NUBPL: variants seen among roughly 807,000 people sequenced by gnomAD.
NUBPL encodes the protein NUBP iron-sulfur cluster assembly factor, mitochondrial.
NUBPL carries 31 observed loss-of-function variants against 45.7 expected under a neutral mutation model. The observed-to-expected ratio is 0.68, with a 90% CI of 0.51 to 0.92. The LOEUF (loss-of-function observed/expected upper bound fraction) is 0.92. NUBPL is among the 40% of genes least tolerant of loss of function. NUBPL has a pLI of 0.00. For synonymous variants in NUBPL, 144 were observed against 140.9 expected (o/e 1.02, Z -0.15); for missense variants, 401 against 398.7 (o/e 1.01, Z -0.05).
chr14:31,743,922 G>T (rs561042926), intron 6 of NUBPL, among the ~76,000 whole-genome samples: 1 of 152,268 alleles, frequency 6.6e-6, no homozygotes, highest in East Asian at 1.9e-4. Flanking sequence ...CTCTTCAAGT[G>T]GCTCTTGCTA....
intron 3 of NUBPL, among the ~76,000 whole-genome samples, chr14:31,574,591 T>C (rs1230143774): frequency 1.5e-5 from 2 of 137,476 alleles, no homozygotes; most frequent in African/African-American, 5.5e-5. Context: ...TCTTTTTTTT[T>C]TTTTTTTTTT....
chr14:31,599,835 T>G (rs1188014141), intron 4 of NUBPL, among the ~76,000 whole-genome samples: 1 of 152,062 alleles, frequency 6.6e-6, no homozygotes, highest in Non-Finnish European at 1.5e-5. Flanking sequence ...AATTCAAGAG[T>G]AACCAATATG....
At chr14:31,852,862 A>G (rs978036995) in intron 10 of NUBPL, among the ~76,000 whole-genome samples, 1 of 152,008 alleles carries the variant, frequency 6.6e-6, no homozygotes, top group Non-Finnish European at 1.5e-5. Context: ...CGTGAACTCA[A>G]ATAGAAATGT....
chr14:31,628,562 T>A (rs2035265755), intron 4 of NUBPL, among the ~76,000 whole-genome samples: 1 of 152,212 alleles, frequency 6.6e-6, no homozygotes, highest in South Asian at 2.1e-4. Flanking sequence ...TATTTCCAAC[T>A]GTGTTCTTTG....
intron 4 of NUBPL, among the ~76,000 whole-genome samples, chr14:31,601,186 G>A (rs368114033): frequency 3.2e-4 from 49 of 151,784 alleles, no homozygotes; most frequent in African/African-American, 9.4e-4. Context: ...GTCAGGTAGC[G>A]TGATGCCTCC....
intron 3 of NUBPL, among the ~76,000 whole-genome samples, chr14:31,577,278 C>T (rs989265452): frequency 6.6e-5 from 10 of 152,218 alleles, no homozygotes; most frequent in African/African-American, 2.4e-4. Context: ...TATCATCTTT[C>T]ACTTGAGAGT....
chr14:31,696,630 G>A (rs905180957), intron 6 of NUBPL, among the ~76,000 whole-genome samples: 1 of 152,126 alleles, frequency 6.6e-6, no homozygotes, highest in Non-Finnish European at 1.5e-5. Context: ...CTCAGGCTCT[G>A]AAAATGATTG....
At chr14:31,588,652 C>T (rs958772605) in intron 3 of NUBPL, among the ~76,000 whole-genome samples, 4 of 151,766 alleles carry the variant, frequency 2.6e-5, no homozygotes, top group African/African-American at 7.3e-5. Context: ...CGCGGTGGCT[C>T]ATGCCTGTAA....
intron 4 of NUBPL, among the ~76,000 whole-genome samples, chr14:31,615,918 G>A (rs1226416240): frequency 6.6e-6 from 1 of 152,164 alleles, no homozygotes; most frequent in Non-Finnish European, 1.5e-5. Flanking sequence ...TAGCAACAGT[G>A]TAAAAGCGTT....
At chr14:31,616,751 A>G (rs939571361) in intron 4 of NUBPL, among the ~76,000 whole-genome samples, 2 of 151,980 alleles carry the variant, frequency 1.3e-5, no homozygotes, top group African/African-American at 2.4e-5. Context: ...TCTTGTCTAT[A>G]TGGGCTCTTT....
At chr14:31,766,558 A>G (rs1470020623) in intron 6 of NUBPL, among the ~76,000 whole-genome samples, 1 of 152,220 alleles carries the variant, frequency 6.6e-6, no homozygotes, top group African/African-American at 2.4e-5. Context: ...AGAAACAAGT[A>G]GCCCCATTAT....
At chr14:31,573,171 G>C (rs1056224065) in intron 3 of NUBPL, among the ~76,000 whole-genome samples, 1 of 152,138 alleles carries the variant, frequency 6.6e-6, no homozygotes, top group Non-Finnish European at 1.5e-5. Flanking sequence ...TGTTATGATG[G>C]CTGTGCTGTC....
At chr14:31,793,872 C>T (rs1346056672) in intron 7 of NUBPL, among the ~76,000 whole-genome samples, 2 of 75,454 alleles carry the variant, frequency 2.7e-5, no homozygotes, top group East Asian at 9.0e-4. Context: ...CAATGCTATC[C>T]CTCCCCCCTC....
intron 6 of NUBPL, among the ~76,000 whole-genome samples, chr14:31,772,288 A>G (rs187670871): frequency 6.6e-6 from 1 of 152,354 alleles, no homozygotes; most frequent in East Asian, 1.9e-4. Context: ...AGATTTTGAT[A>G]AAATTTATTT....
intron 6 of NUBPL, among the ~76,000 whole-genome samples, chr14:31,712,113 T>C (rs1423569773): frequency 2.6e-5 from 4 of 152,196 alleles, no homozygotes; most frequent in Admixed American, 2.6e-4. Context: ...GGTGGCCTGC[T>C]TTTATTCCCT....
chr14:31,690,468 G>A (rs890340416), intron 6 of NUBPL, among the ~76,000 whole-genome samples: 1 of 152,074 alleles, frequency 6.6e-6, no homozygotes, highest in African/African-American at 2.4e-5. Flanking sequence ...GTGCTGAACT[G>A]GTCTTCTTGC....
At chr14:31,642,420 C>A (rs185842024) in intron 4 of NUBPL, among the ~76,000 whole-genome samples, 5 of 151,980 alleles carry the variant, frequency 3.3e-5, no homozygotes, top group African/African-American at 1.2e-4. Flanking sequence ...GTTTTCTGAG[C>A]GCTGTTTATT....
At chr14:31,834,778 G>A (rs1041460651) in intron 8 of NUBPL, among the ~76,000 whole-genome samples, 2 of 152,156 alleles carry the variant, frequency 1.3e-5, no homozygotes, top group African/African-American at 4.8e-5. Context: ...ATGAGGAAAT[G>A]TGGTTGAGAG....
chr14:31,664,910 A>T (rs2036367911), intron 4 of NUBPL, among the ~76,000 whole-genome samples: 1 of 152,154 alleles, frequency 6.6e-6, no homozygotes, highest in African/African-American at 2.4e-5. Flanking sequence ...CCTTAATTTC[A>T]GAACTTGTTA....
Sources: gnomAD v4.1 joint callset for allele counts (sites outside exome capture counted in the v4.1 genomes callset) on GRCh38, gnomAD v4.1.1 for gene constraint, MANE v1.5 for transcripts, NCBI Gene and HGNC (gene_info 2026-07-23, HGNC 2026-07-21) for gene names.